Variants in MARCHF4 observed in about 807,000 individuals in gnomAD.
The protein encoded by MARCHF4 is E3 ubiquitin-protein ligase MARCHF4.
Under a neutral mutation model 43.9 loss-of-function variants are expected in MARCHF4, and 14 were observed. That is an observed-to-expected ratio of 0.32 (90% CI 0.21 to 0.50). MARCHF4 has a LOEUF of 0.50. Among genes scored for constraint, MARCHF4 ranks in the 20% least tolerant of loss-of-function variants. The pLI, the probability that MARCHF4 is intolerant of heterozygous loss-of-function variation, is 0.98. For synonymous variants in MARCHF4, 226 were observed against 213.3 expected (o/e 1.06, Z -0.52); for missense variants, 468 against 536.7 (o/e 0.87, Z 1.27).
intron 1 of MARCHF4, among the ~76,000 whole-genome samples, chr2:216,341,381 G>C (rs1379951321): frequency 6.6e-6 from 1 of 152,208 alleles, no homozygotes; most frequent in Non-Finnish European, 1.5e-5. Context: ...TTCCACAGGG[G>C]CTTGAGCCTG....
rs745309499 is a variant in MARCHF4, at chr2:216,370,048, G to A, written c.213C>T (p.Pro71=). The part of the protein sequence containing the change: ...PLPMHGDPQP[P]GLAANNTLPA... ...GAAGGGTGTTGTTGGCCGCCAAACCGGGGGGCTGGGGGTCGCCGTGCATGG... is the reference window on the plus strand; with the variant it reads ...GAAGGGTGTTGTTGGCCGCCAAACCAGGGGGCTGGGGGTCGCCGTGCATGG... The change falls in exon 1 of 4, where the codon CCC becomes CCT. Residue 71 remains proline (P), a synonymous_variant. Transcript: ENST00000273067. 3.9e-6 allele frequency: 6 copies of A among 1,554,138 alleles called. No homozygotes were observed. The highest frequency in any genetic ancestry group is 2.3e-5 in the South Asian group (2 of 85,224).
intron 1 of MARCHF4, among the ~76,000 whole-genome samples, chr2:216,369,272 C>T (rs1692714755): frequency 6.6e-6 from 1 of 152,182 alleles, no homozygotes; most frequent in African/African-American, 2.4e-5. Flanking sequence ...AACAAGCTTA[C>T]TGGATTTCAA....
chr2:216,291,365 G>T (rs1266251465), intron 1 of MARCHF4, among the ~76,000 whole-genome samples: 2 of 152,188 alleles, frequency 1.3e-5, no homozygotes, highest in African/African-American at 4.8e-5. Context: ...TGAAGAAAAG[G>T]CATACGCTGA....
chr2:216,259,835 T>A, intron 3 of MARCHF4, 156 bp from the exon 4 acceptor site: 1 of 725,802 alleles, frequency 1.4e-6, no homozygotes, highest in Non-Finnish European at 2.2e-6. Flanking sequence ...CTCAGCAAGT[T>A]CCAGTAGGCA....
intron 1 of MARCHF4, among the ~76,000 whole-genome samples, chr2:216,364,245 T>G (rs185354508): frequency 6.6e-6 from 1 of 152,172 alleles, no homozygotes; most frequent in African/African-American, 2.4e-5. Flanking sequence ...CTCCTACCTA[T>G]GAAGCTGCCC....
At chr2:216,328,769 G>A (rs949519997) in intron 1 of MARCHF4, among the ~76,000 whole-genome samples, 3 of 152,244 alleles carry the variant, frequency 2.0e-5, no homozygotes, top group African/African-American at 7.2e-5. Flanking sequence ...CGGGTGCAGA[G>A]GCTCACACCT....
chr2:216,363,280 A>G (rs17485059), intron 1 of MARCHF4, among the ~76,000 whole-genome samples: 14,702 of 152,228 alleles, frequency 0.097, 840 homozygotes, highest in South Asian at 0.24. Context: ...ATTACTACAA[A>G]CAACACTGTG....
chr2:216,284,306 C>A (rs1344176934), intron 1 of MARCHF4, among the ~76,000 whole-genome samples: 3 of 152,066 alleles, frequency 2.0e-5, no homozygotes, highest in African/African-American at 7.3e-5. Flanking sequence ...AGCTAGGAAG[C>A]CCAGTTTGGA....
chr2:216,341,870 T>C (rs746438523), intron 1 of MARCHF4, among the ~76,000 whole-genome samples: 2 of 152,156 alleles, frequency 1.3e-5, no homozygotes, highest in African/African-American at 4.8e-5. Context: ...GAATCCCAGA[T>C]AGCAGCTGCT....
At chr2:216,282,744 C>A (rs780529479) in intron 2 of MARCHF4, among the ~76,000 whole-genome samples, 48 of 152,302 alleles carry the variant, frequency 3.2e-4, no homozygotes, top group South Asian at 8.3e-4. Context: ...TGGGAGCAGG[C>A]AGAGGATCCC....
At chr2:216,278,476 C>T (rs1458118400) in intron 2 of MARCHF4, among the ~76,000 whole-genome samples, 7 of 152,176 alleles carry the variant, frequency 4.6e-5, no homozygotes, top group East Asian at 1.9e-4. Flanking sequence ...CCGCCCACCT[C>T]GGCCTCCCAA....
chr2:216,269,850 C>T (rs1319387876), intron 3 of MARCHF4, among the ~76,000 whole-genome samples: 1 of 152,184 alleles, frequency 6.6e-6, no homozygotes. Flanking sequence ...GGGAAACCCA[C>T]CACTCTGGCC....
chr2:216,281,863 C>T (rs749542806), intron 2 of MARCHF4, among the ~76,000 whole-genome samples: 8 of 152,144 alleles, frequency 5.3e-5, no homozygotes, highest in African/African-American at 1.7e-4. Flanking sequence ...GCTAACACTG[C>T]CACTTGCTTA....
intron 3 of MARCHF4, among the ~76,000 whole-genome samples, chr2:216,267,854 A>T (rs1326088387): frequency 6.6e-6 from 1 of 152,214 alleles, no homozygotes; most frequent in Non-Finnish European, 1.5e-5. Context: ...AACTGGGATA[A>T]ATGAAATGCC....
chr2:216,352,464 C>T (rs1158727039), intron 1 of MARCHF4, among the ~76,000 whole-genome samples: 1 of 152,144 alleles, frequency 6.6e-6, no homozygotes, highest in Non-Finnish European at 1.5e-5. Context: ...GCAAAGTGGG[C>T]CTTTCCCTTC....
chr2:216,301,485 G>GTAC (rs1691493049), intron 1 of MARCHF4, among the ~76,000 whole-genome samples: 1 of 152,210 alleles, frequency 6.6e-6, no homozygotes, highest in Non-Finnish European at 1.5e-5. Context: ...ACTCCCCAGT[G>GTAC]TACTGTGTGT....
At chr2:216,289,331 G>C (rs895685014) in intron 1 of MARCHF4, among the ~76,000 whole-genome samples, 2 of 146,610 alleles carry the variant, frequency 1.4e-5, no homozygotes, top group African/African-American at 2.6e-5. Context: ...TGAAGATGCT[G>C]TATTAGCCAG....
rs1272648208 is a variant in MARCHF4, at chr2:216,372,342, G to A, written c.-2082C>T. On this transcript the variant is annotated 5_prime_UTR_variant, in exon 1 of 4. Transcript: ENST00000273067. ...CGCCGCTGCTGCATTCAGCACCCCGGGCGAGTGGACAGCTCCCACCCAGAC... is the reference window on the plus strand; with the variant it reads ...CGCCGCTGCTGCATTCAGCACCCCGAGCGAGTGGACAGCTCCCACCCAGAC... 6.6e-6 allele frequency among the ~76,000 whole-genome samples: 1 copy of A among 152,112 alleles called. No homozygotes were observed. Among genetic ancestry groups the A allele is most frequent in the Admixed American group, 6.5e-5 (1 of 15,278 alleles).
At chr2:216,335,320 C>T (rs1343618121) in intron 1 of MARCHF4, among the ~76,000 whole-genome samples, 2 of 152,090 alleles carry the variant, frequency 1.3e-5, no homozygotes, top group Non-Finnish European at 2.9e-5. Flanking sequence ...AAGAAAGCCC[C>T]AAATGACTAA....
Sources: allele counts gnomAD v4.1 joint callset (sites outside exome capture counted in the v4.1 genomes callset), GRCh38; gene constraint gnomAD v4.1.1; transcripts MANE v1.5; gene names NCBI Gene and HGNC (gene_info 2026-07-23, HGNC 2026-07-21).